Variants in WDR45B observed in about 807,000 individuals in gnomAD.
WDR45B encodes WD repeat domain 45B, also known as WD repeat domain phosphoinositide-interacting protein 3.
A neutral mutation model predicts 44.6 loss-of-function variants in WDR45B; 20 were observed. That is an observed-to-expected ratio of 0.45 (90% confidence interval 0.32 to 0.65). WDR45B has a LOEUF of 0.65. Among genes scored for constraint, WDR45B ranks in the 30% least tolerant of loss-of-function variants. The probability of loss-of-function intolerance (pLI) is 0.05; values close to 1 mark genes in which losing one functional copy is unlikely to be tolerated. For synonymous variants in WDR45B, 169 were observed against 164.9 expected (o/e 1.02, Z -0.19); for missense variants, 323 against 430.2 (o/e 0.75, Z 2.20).
chr17:82,626,533 CAAAAAAA>C (rs562186058), intron 4 of WDR45B, among the ~76,000 whole-genome samples: 6 of 79,462 alleles, frequency 7.6e-5, no homozygotes, highest in South Asian at 4.2e-4. Context: ...CTCTATCTCC[CAAAAAAA>C]AAAAAAAAAA....
rs758041485 is a variant in WDR45B at position 82,621,811 on chromosome 17, C to A, written c.428-12G>T. On this transcript the variant is annotated splice_polypyrimidine_tract_variant and intron_variant, in intron 5 of 9. Transcript: ENST00000392325. ...AAGGACACAGAGGCCTGCGTGGAGA[C>A]AGAGGACACCAATCAAGAACTGCCT... 1 of 1,613,804 alleles carries A rather than the reference C, an allele frequency of 6.2e-7. No homozygotes were observed. Among genetic ancestry groups the A allele is most frequent in the South Asian group, 1.1e-5 (1 of 91,030 alleles).
intron 3 of WDR45B, among the ~76,000 whole-genome samples, chr17:82,630,606 A>C (rs187882874): frequency 1.4e-3 from 215 of 152,320 alleles, no homozygotes; most frequent in Non-Finnish European, 2.1e-3. Context: ...CTGTAAGAAA[A>C]AAAATCCTTC....
chr17:82,639,867 G>A (rs1176863183), intron 2 of WDR45B, among the ~76,000 whole-genome samples: 4 of 138,632 alleles, frequency 2.9e-5, no homozygotes, highest in Admixed American at 1.5e-4. Context: ...GTGGGCTGCC[G>A]AGCTGTGTGT....
At chr17:82,643,425 C>T (rs978030374) in intron 2 of WDR45B, among the ~76,000 whole-genome samples, 2 of 151,582 alleles carry the variant, frequency 1.3e-5, no homozygotes, top group African/African-American at 2.4e-5. Context: ...AGAGCAAGAT[C>T]CCGTCTCGGA....
rs549401744 is a variant in WDR45B at position 82,616,795 on chromosome 17, C to G, written c.807-150G>C. The G allele has an allele frequency of 6.1e-4, 626 of 1,030,544 alleles. 2 individuals are homozygous for G. In the African/African-American group the frequency reaches 8.3e-3, roughly 14 times the overall value. The allele number at this position is 1,030,544 out of a possible 1,614,324, so 63.8% of individuals were successfully genotyped here. On this transcript the variant is annotated intron_variant, in intron 8 of 9. Transcript: ENST00000392325. ...TTTTTTTTTGCCATGCATGACAAAGCCTGTTGTACAATTTTATTTAAAAAA... is the reference window on the plus strand; with the variant it reads ...TTTTTTTTTGCCATGCATGACAAAGGCTGTTGTACAATTTTATTTAAAAAA...
At chr17:82,624,481 C>CT (rs1398372696) in intron 5 of WDR45B, among the ~76,000 whole-genome samples, 5 of 152,068 alleles carry the variant, frequency 3.3e-5, no homozygotes, top group South Asian at 4.1e-4. Flanking sequence ...AGGATGCTCT[C>CT]TATCTCCTGA....
chr17:82,647,260 C>T (rs562018336), intron 1 of WDR45B, among the ~76,000 whole-genome samples: 13 of 152,300 alleles, frequency 8.5e-5, no homozygotes, highest in African/African-American at 2.4e-4. Context: ...TTCACATATA[C>T]GGGATCATAC....
chr17:82,640,697 G>C (rs1357693652), intron 2 of WDR45B, among the ~76,000 whole-genome samples: 1 of 152,124 alleles, frequency 6.6e-6, no homozygotes, highest in African/African-American at 2.4e-5. Context: ...TGTAAGTGCA[G>C]AGCCAAACTG....
chr17:82,635,746 C>G (rs1039088458), intron 2 of WDR45B, among the ~76,000 whole-genome samples: 3 of 151,916 alleles, frequency 2.0e-5, no homozygotes, highest in African/African-American at 7.3e-5. Context: ...CTAAAAGCAA[C>G]AAGTCATTCC....
chr17:82,642,107 C>T lies in WDR45B; in HGVS notation c.142+1842G>A, dbSNP rs116045700. Among the ~76,000 whole-genome samples the T allele has an allele frequency of 5.4e-3, 822 of 152,208 alleles. 3 individuals are homozygous for T. The highest frequency in any genetic ancestry group is 0.019 in the African/African-American group (775 of 41,522). On this transcript the variant is annotated intron_variant, in intron 2 of 9. Transcript: ENST00000392325. ...TAGCCTGTCCCCCCACACCTTGTTC[C>T]GTGCTTGCCCTCATCTGTATTCTTG...
chr17:82,645,417 A>G (rs1446352800), intron 1 of WDR45B, among the ~76,000 whole-genome samples: 1 of 152,222 alleles, frequency 6.6e-6, no homozygotes, highest in Non-Finnish European at 1.5e-5. Flanking sequence ...ACATGTCACA[A>G]GAGGATATCC....
chr17:82,623,421 GC>G (rs2045646750), intron 5 of WDR45B, among the ~76,000 whole-genome samples: 1 of 148,796 alleles, frequency 6.7e-6, no homozygotes, highest in South Asian at 2.1e-4. Flanking sequence ...AAAAAATGGG[GC>G]TGGGCGCGGT....
In WDR45B at chr17:82,615,988, G is replaced by A. The variant is rs1313738080; in HGVS notation, c.966C>T (p.Phe322=). The change falls in exon 10 of 10, where the codon TTC becomes TTT. Residue 322 remains phenylalanine, a synonymous_variant. Transcript: ENST00000392325. The part of the protein sequence containing the change: ...CADGSYYKFL[F]NPKGECIRDV... ...CTCGGATGCACTCCCCCTTGGGGTT[G>A]AACAGGAATTTGTAGTAGCTGCCGT... 3.1e-6 allele frequency: 5 copies of A among 1,613,834 alleles called. No individual in the cohort carries two copies. The highest frequency in any genetic ancestry group is 1.7e-5 in the Admixed American group (1 of 59,956).
intron 2 of WDR45B, among the ~76,000 whole-genome samples, chr17:82,635,894 C>A (rs949950845): frequency 6.6e-6 from 1 of 151,622 alleles, no homozygotes; most frequent in African/African-American, 2.4e-5. Flanking sequence ...TCAAGACCAG[C>A]GCGACCAACA....
In WDR45B at chr17:82,616,659, A is replaced by G. The variant is rs905083571; in HGVS notation, c.807-14T>C. 2 of 1,614,030 alleles carry G rather than the reference A, an allele frequency of 1.2e-6. No individual in the cohort carries two copies. Among genetic ancestry groups the G allele is most frequent in the African/African-American group, 2.7e-5 (2 of 74,930 alleles). ...GCTGAGGCCAAACTGTGAAGACAAG[A>G]AAAGAAAGGGTGGTTCAAAGTTTAC... On this transcript the variant is annotated splice_polypyrimidine_tract_variant and intron_variant, in intron 8 of 9. Coordinates refer to ENST00000392325, the MANE Select transcript of WDR45B (RefSeq NM_019613.4).
At chr17:82,635,206 C>T (rs952641852) in intron 2 of WDR45B, among the ~76,000 whole-genome samples, 3 of 151,370 alleles carry the variant, frequency 2.0e-5, no homozygotes, top group Admixed American at 6.6e-5. Flanking sequence ...CACTGAAGAC[C>T]TTCTTTGCCC....
Position 82,615,724 on chromosome 17 carries a change from T to G in WDR45B, c.*195A>C. The G allele has an allele frequency of 3.3e-6, 2 of 608,762 alleles. No homozygotes were observed. Among genetic ancestry groups the G allele is most frequent in the Non-Finnish European group, 5.9e-6 (2 of 339,374 alleles). The allele number at this position is 608,762 out of a possible 1,614,324, so 37.7% of individuals were successfully genotyped here. ...GTCACAGCCACTGAGTTACCTACGG[T>G]GCCTTGATGATGATTCTCTCTTTAA... On this transcript the variant is annotated 3_prime_UTR_variant, in exon 10 of 10. Coordinates refer to ENST00000392325, the MANE Select transcript of WDR45B (RefSeq NM_019613.4).
At chr17:82,616,060 T>C (rs2143234020) in intron 9 of WDR45B, 35 bp from the exon 10 acceptor site, 1 of 1,589,534 alleles carries the variant, frequency 6.3e-7, no homozygotes, top group East Asian at 2.2e-5. Flanking sequence ...CCTGTGTGTT[T>C]CTTTCCCTCA....
intron 8 of WDR45B, 81 bp from the exon 9 acceptor site, chr17:82,616,726 A>G (rs2045541517): frequency 1.7e-5 from 27 of 1,565,726 alleles, no homozygotes; most frequent in Non-Finnish European, 2.4e-5. Context: ...TACGCTGCTG[A>G]AAATACGAAA....
Sources: gnomAD v4.1 joint callset for allele counts (sites outside exome capture counted in the v4.1 genomes callset) on GRCh38, gnomAD v4.1.1 for gene constraint, MANE v1.5 for transcripts, NCBI Gene and HGNC (gene_info 2026-07-23, HGNC 2026-07-21) for gene names.